Variants in CDH18 observed in about 807,000 individuals in gnomAD.
The protein encoded by CDH18 is cadherin-18.
In CDH18, 31 loss-of-function variants were observed where a neutral mutation model predicts 67.9. That is an observed-to-expected ratio of 0.46 (90% confidence interval 0.34 to 0.62). The LOEUF is 0.62. Among genes scored for constraint, CDH18 ranks in the 20% least tolerant of loss-of-function variants. The pLI is 0.01. For missense variants in CDH18, 890 were observed against 975.5 expected (o/e 0.91, Z 1.17); for synonymous variants, 362 against 347.2 (o/e 1.04, Z -0.48).
intron 1 of CDH18, among the ~76,000 whole-genome samples, chr5:20,466,781 C>T (rs1234004686): frequency 1.3e-5 from 2 of 152,146 alleles, no homozygotes; most frequent in East Asian, 3.9e-4. Flanking sequence ...CATCTTGGCT[C>T]AGTTCTTCCA....
intron 3 of CDH18, among the ~76,000 whole-genome samples, chr5:19,799,231 G>A (rs923609340): frequency 1.3e-5 from 2 of 152,034 alleles, no homozygotes; most frequent in Admixed American, 6.6e-5. Flanking sequence ...GAGAATTGTG[G>A]ATGCAATGGG....
rs1561769239 is a variant in CDH18, at chr5:20,074,430, G to C, written c.-517-82416C>G. Among the ~76,000 whole-genome samples, 4 of 152,176 alleles carry C rather than the reference G, an allele frequency of 2.6e-5. No homozygotes were observed. The South Asian group carries it at 8.3e-4, about 32-fold the overall frequency. Reference sequence around the variant, plus strand: ...AATGTGTATAGATTTGCAAATTACTGTTTTGGACTTCTGGTATAAAATAGC... The same window carrying C: ...AATGTGTATAGATTTGCAAATTACTCTTTTGGACTTCTGGTATAAAATAGC... On this transcript the variant is annotated intron_variant, in intron 2 of 14. Transcript: ENST00000507958.
At chr5:20,539,336 T>C (rs1423927982) in intron 1 of CDH18, among the ~76,000 whole-genome samples, 1 of 152,188 alleles carries the variant, frequency 6.6e-6, no homozygotes, top group Non-Finnish European at 1.5e-5. Flanking sequence ...ATTTTGAACC[T>C]GTATAGCTTC....
intron 2 of CDH18, among the ~76,000 whole-genome samples, chr5:20,145,832 A>C (rs1750601147): frequency 6.6e-6 from 1 of 152,160 alleles, no homozygotes; most frequent in Non-Finnish European, 1.5e-5. Context: ...ATCTGGAGTG[A>C]ACTTTTATAT....
intron 2 of CDH18, among the ~76,000 whole-genome samples, chr5:19,971,042 T>C (rs1326057859): frequency 6.6e-6 from 1 of 151,912 alleles, no homozygotes; most frequent in Non-Finnish European, 1.5e-5. Flanking sequence ...TTAGATTTTA[T>C]TCTAAAAGAA....
At chr5:19,491,279 C>T (rs920123671) in intron 11 of CDH18, among the ~76,000 whole-genome samples, 6 of 152,250 alleles carry the variant, frequency 3.9e-5, no homozygotes, top group South Asian at 2.1e-4. Context: ...TGATTTGCAA[C>T]TTAGGGTGGA....
chr5:19,846,156 T>C (rs1242359990), intron 2 of CDH18, among the ~76,000 whole-genome samples: 3 of 152,082 alleles, frequency 2.0e-5, no homozygotes, highest in Admixed American at 2.0e-4. Flanking sequence ...TTCTTTCTCC[T>C]TTTTATTCAT....
intron 3 of CDH18, among the ~76,000 whole-genome samples, chr5:19,777,533 T>C (rs1774539952): frequency 6.6e-6 from 1 of 152,196 alleles, no homozygotes; most frequent in African/African-American, 2.4e-5. Flanking sequence ...CCGGCCACAC[T>C]GTGCTTGTGA....
intron 2 of CDH18, among the ~76,000 whole-genome samples, chr5:20,142,816 T>C (rs1014001692): frequency 6.6e-6 from 1 of 152,114 alleles, no homozygotes; most frequent in African/African-American, 2.4e-5. Context: ...AAACCAACCA[T>C]GCCAATATCT....
At chr5:20,150,234 C>T (rs1270897775) in intron 2 of CDH18, among the ~76,000 whole-genome samples, 2 of 151,930 alleles carry the variant, frequency 1.3e-5, no homozygotes, top group African/African-American at 4.8e-5. Flanking sequence ...CTTGAAAGCT[C>T]AATTATTTGA....
chr5:19,887,975 C>A (rs1156281795), intron 2 of CDH18, among the ~76,000 whole-genome samples: 2 of 152,198 alleles, frequency 1.3e-5, no homozygotes, highest in South Asian at 2.1e-4. Flanking sequence ...CATGCATACA[C>A]AATTGCATGG....
chr5:19,853,068 T>C (rs1485408021), intron 2 of CDH18, among the ~76,000 whole-genome samples: 1 of 152,160 alleles, frequency 6.6e-6, no homozygotes, highest in Non-Finnish European at 1.5e-5. Context: ...GAGAGGCATG[T>C]GCATTAGTCT....
At chr5:19,628,904 G>T (rs1751979196) in intron 5 of CDH18, among the ~76,000 whole-genome samples, 1 of 151,448 alleles carries the variant, frequency 6.6e-6, no homozygotes, top group South Asian at 2.1e-4. Context: ...AGCAAAAGAT[G>T]CCCACTGATC....
At chr5:20,121,475 T>C (rs999760552) in intron 2 of CDH18, among the ~76,000 whole-genome samples, 2 of 152,150 alleles carry the variant, frequency 1.3e-5, no homozygotes, top group East Asian at 1.9e-4. Flanking sequence ...TTTGTATTTG[T>C]ACAGTAGATA....
chr5:19,566,014 A>AAT (rs1740321882), intron 8 of CDH18, among the ~76,000 whole-genome samples: 1 of 150,508 alleles, frequency 6.6e-6, no homozygotes. Context: ...AGCTCAAACA[A>AAT]ATCTATAGAA....
At chr5:19,964,317 A>G (rs1797211552) in intron 2 of CDH18, among the ~76,000 whole-genome samples, 1 of 152,010 alleles carries the variant, frequency 6.6e-6, no homozygotes, top group East Asian at 1.9e-4. Context: ...GCAGTGGCTC[A>G]TTCCTGTAAT....
chr5:19,736,584 T>C (rs1188630553), intron 4 of CDH18, among the ~76,000 whole-genome samples: 1 of 152,200 alleles, frequency 6.6e-6, no homozygotes, highest in Non-Finnish European at 1.5e-5. Flanking sequence ...TATTGTTGCA[T>C]AGTTATATTT....
intron 1 of CDH18, among the ~76,000 whole-genome samples, chr5:20,558,648 G>A (rs1380422773): frequency 6.6e-6 from 1 of 151,994 alleles, no homozygotes; most frequent in African/African-American, 2.4e-5. Context: ...CTCAAGTCTG[G>A]GTTCAGCCCT....
intron 2 of CDH18, among the ~76,000 whole-genome samples, chr5:20,093,941 C>T (rs1580224326): frequency 6.6e-6 from 1 of 152,038 alleles, no homozygotes; most frequent in African/African-American, 2.4e-5. Flanking sequence ...AGAATAATCC[C>T]ATACCCAATT....
Sources: gnomAD v4.1 joint callset for allele counts (sites outside exome capture counted in the v4.1 genomes callset) on GRCh38, gnomAD v4.1.1 for gene constraint, MANE v1.5 for transcripts, NCBI Gene and HGNC (gene_info 2026-07-23, HGNC 2026-07-21) for gene names.